SERF2: variants seen among roughly 807,000 people sequenced by gnomAD.
SERF2 encodes small EDRK-rich factor 2.
Under a neutral mutation model 10.7 loss-of-function variants are expected in SERF2, and 4 were observed. That is an observed-to-expected ratio of 0.37 (90% CI 0.18 to 0.86). The LOEUF (loss-of-function observed/expected upper bound fraction) is 0.86. Ranked by LOEUF, SERF2 falls within the 40% of genes least tolerant of loss-of-function variation. SERF2 has a pLI of 0.43. For synonymous variants in SERF2, 26 were observed against 26.0 expected (o/e 1.00, Z 0.01); for missense variants, 47 against 79.1 (o/e 0.59, Z 1.54).
upstream of SERF2, among the ~76,000 whole-genome samples, chr15:43,791,253 T>A (rs996084710): frequency 1.3e-5 from 2 of 151,156 alleles, no homozygotes; most frequent in Non-Finnish European, 3.0e-5. Context: ...CTTATTAACT[T>A]TTTTTTTAGA....
chr15:43,779,219 C>A (rs559153955), intron 1 of SERF2, among the ~76,000 whole-genome samples: 1 of 152,120 alleles, frequency 6.6e-6, no homozygotes, highest in East Asian at 1.9e-4. Context: ...TGGTGGGAGT[C>A]TGAAAATTTT....
At chr15:43,792,239 A>C, upstream of SERF2, 1 of 776,990 alleles carries the variant, frequency 1.3e-6, no homozygotes, top group Non-Finnish European at 2.3e-6. Context: ...TTTCTTGTCC[A>C]ATGGGAGCCG....
chr15:43,794,951 C>A lies in SERF2; in HGVS notation c.*1178C>A. 6.8e-7 allele frequency: 1 copy of A among 1,468,032 alleles called. No individual in the cohort carries two copies. The highest frequency in any genetic ancestry group is 9.3e-7 in the Non-Finnish European group (1 of 1,073,766). The allele number at this position is 1,468,032 out of a possible 1,614,324, so 90.9% of individuals were successfully genotyped here. A position where few individuals can be genotyped will look rare whatever the true frequency, so the allele number is the denominator to read the frequency against. ...GCTGGGCTGGACAGCTCCCCTTGAG[C>A]CAACTCTAGGAGTACAATGTCAGGG... is the stretch of plus-strand genomic sequence containing the variant. On this transcript the variant is annotated 3_prime_UTR_variant, in exon 3 of 3. Coordinates refer to ENST00000249786, the MANE Select transcript of SERF2 (RefSeq NM_001018108.4).
intron 2 of SERF2, 102 bp downstream of exon 2, chr15:43,793,185 C>T (rs1180844705): frequency 4.2e-6 from 3 of 719,494 alleles, no homozygotes; most frequent in African/African-American, 1.8e-5. Flanking sequence ...GTGGACTAGT[C>T]GTGAGGAGCA....
exon 1 of SERF2, chr15:43,777,385 C>A (rs973199696): frequency 1.2e-4 from 35 of 301,890 alleles, no homozygotes; most frequent in Non-Finnish European, 1.9e-4. Flanking sequence ...CAGTTAGCCC[C>A]GAGCTTCGGA....
At position 43,794,257 on chromosome 15, in the gene SERF2, ACTT is replaced by A. The variant is rs925850999; in HGVS notation, c.*488_*490del. ...GAGGAATCCTCTAAGAACCATAGAG[ACTT>A]CTTTTCTGTGATTTTTGTTCCCCAC... On this transcript the variant is annotated 3_prime_UTR_variant, in exon 3 of 3. Transcript: ENST00000249786. The A allele has an allele frequency of 1.4e-5, 5 of 355,674 alleles. No homozygotes were observed. The highest frequency in any genetic ancestry group is 1.0e-5 in the Non-Finnish European group (2 of 196,092). 22.0% of individuals were successfully genotyped at this position (355,674 alleles called of 1,614,324 possible).
chr15:43,791,218 C>G (rs1441018242), upstream of SERF2, among the ~76,000 whole-genome samples: 1 of 151,988 alleles, frequency 6.6e-6, no homozygotes, highest in Non-Finnish European at 1.5e-5. Flanking sequence ...GGACTACAGG[C>G]GCCCGCCACC....
At chr15:43,793,644 A>ATCCC in intron 2 of SERF2, 66 bp from the exon 3 acceptor site, 1 of 1,613,602 alleles carries the variant, frequency 6.2e-7, no homozygotes, top group Non-Finnish European at 8.5e-7. Flanking sequence ...TGTGCCCTTC[A>ATCCC]TCCCCCTGCA....
intron 1 of SERF2, among the ~76,000 whole-genome samples, chr15:43,779,720 G>A (rs2086950335): frequency 6.6e-6 from 1 of 152,000 alleles, no homozygotes; most frequent in Non-Finnish European, 1.5e-5. Flanking sequence ...TCAAACTCCT[G>A]GCCTCAAGTG....
intron 1 of SERF2, chr15:43,785,390 T>C (rs931454395): frequency 6.6e-6 from 1 of 151,864 alleles, no homozygotes; most frequent in Non-Finnish European, 1.5e-5. Flanking sequence ...TTCTTTCTTT[T>C]ATTTTTTCCT....
upstream of SERF2, among the ~76,000 whole-genome samples, chr15:43,791,123 G>C (rs969111803): frequency 6.6e-6 from 1 of 151,502 alleles, no homozygotes; most frequent in Non-Finnish European, 1.5e-5. Flanking sequence ...GCCCAGGCTA[G>C]AGTGCAGTGG....
At chr15:43,782,357 A>G (rs1347730175) in intron 1 of SERF2, among the ~76,000 whole-genome samples, 2 of 152,134 alleles carry the variant, frequency 1.3e-5, no homozygotes, top group African/African-American at 4.8e-5. Flanking sequence ...GACACTTACC[A>G]TATTATGTTC....
At position 43,786,414 on chromosome 15, in the gene SERF2, C is replaced by CAA. The variant is rs1190326241; in HGVS notation, c.-402+899_-402+900dup. 7.3e-3 allele frequency among the ~76,000 whole-genome samples: 502 copies of CAA among 68,880 alleles called. 6 individuals are homozygous for CAA. The highest frequency in any genetic ancestry group is 0.02 in the African/African-American group (399 of 20,048). The allele number at this position is 68,880 out of a possible 152,430, so 45.2% of individuals were successfully genotyped here. Reference sequence around the variant, plus strand: ...TGGACCACAGAGCAAGACTCTGTCTCAAAAAAAAAAAAAAAAAAAAGCTGG... The same window carrying CAA: ...TGGACCACAGAGCAAGACTCTGTCTCAAAAAAAAAAAAAAAAAAAAAAGCTGG... On this transcript the variant is annotated intron_variant, in intron 2 of 4. Transcript: ENST00000381359.
chr15:43,785,667 A>G (rs1596034382), intron 2 of SERF2: 1 of 143,248 alleles, frequency 7.0e-6, no homozygotes, highest in Non-Finnish European at 1.5e-5. Flanking sequence ...TTGCAACTGA[A>G]TTGTTTCTGT....
At chr15:43,789,360 G>C (rs1406371145), upstream of SERF2, among the ~76,000 whole-genome samples, 7 of 152,154 alleles carry the variant, frequency 4.6e-5, no homozygotes, top group Non-Finnish European at 1.5e-5. Context: ...TGACCTGAGG[G>C]AGGAGGGCCT....
chr15:43,792,683 A>T lies in SERF2; in HGVS notation c.8-292A>T. ...CCACAAGCCAGCCCATCCCCCACGG[A>T]GACCCAAACCGTCCACACACACCTT... On this transcript the variant is annotated intron_variant, in intron 1 of 2. Transcript: ENST00000249786. 4 of 1,244,630 alleles carry T rather than the reference A, an allele frequency of 3.2e-6. No individual in the cohort carries two copies. The South Asian group carries it at 4.9e-5, about 15-fold the overall frequency. 77.1% of individuals were successfully genotyped at this position (1,244,630 alleles called of 1,614,324 possible). A position where few individuals can be genotyped will look rare whatever the true frequency, so the allele number is the denominator to read the frequency against.
intron 1 of SERF2, among the ~76,000 whole-genome samples, chr15:43,784,025 C>A (rs190030870): frequency 1.4e-5 from 2 of 142,366 alleles, no homozygotes; most frequent in African/African-American, 5.1e-5. Context: ...CCTTGTGATC[C>A]GCCCACCTTG....
chr15:43,793,249 G>A (rs1269755417), intron 2 of SERF2, 166 bp downstream of exon 2: 3 of 596,304 alleles, frequency 5.0e-6, no homozygotes, highest in African/African-American at 3.7e-5. Flanking sequence ...CAAATTGTTA[G>A]CTCACAGCCT....
In SERF2 at chr15:43,778,581, CAAAAAAAAAAAAAAAAAAAAAA is replaced by C. The variant is rs145368177; in HGVS notation, c.-527+1092_-527+1113del. The stretch of plus-strand genomic sequence containing the variant: ...CCAGGCGCGCTGGCAGATTCCATCT[CAAAAAAAAAAAAAAAAAAAAAA>C]AAAAAAAAAAAAGAGGCTGGGTGCG... On this transcript the variant is annotated intron_variant, in intron 1 of 4. Coordinates refer to the SERF2 transcript ENST00000381359. 1.4e-4 allele frequency among the ~76,000 whole-genome samples: 4 copies of C among 28,958 alleles called. No individual in the cohort carries two copies. The South Asian group carries it at 0.013, about 97-fold the overall frequency. 19.0% of individuals were successfully genotyped at this position (28,958 alleles called of 152,430 possible).
Sources: gnomAD v4.1 joint callset for allele counts (sites outside exome capture counted in the v4.1 genomes callset) on GRCh38, gnomAD v4.1.1 for gene constraint, MANE v1.5 for transcripts, NCBI Gene and HGNC (gene_info 2026-07-23, HGNC 2026-07-21) for gene names.